The following MALRD1 variants were observed in gnomAD, a reference collection of about 807,000 sequenced individuals.
MALRD1 encodes MAM and LDL receptor class A domain containing 1.
MALRD1 carries 247 observed loss-of-function variants against 242.1 expected under a neutral mutation model. The observed-to-expected ratio is 1.02, with a 90% CI of 0.92 to 1.13. The LOEUF (loss-of-function observed/expected upper bound fraction) is 1.13, where lower values mean the gene tolerates loss of function less well. MALRD1 is among the 50% of genes most tolerant of loss of function. MALRD1 has a pLI of 0.00. For missense variants in MALRD1, 2,989 were observed against 2,533.1 expected (o/e 1.18, Z -3.86); for synonymous variants, 995 against 866.6 (o/e 1.15, Z -2.60).
At chr10:19,083,891 C>A (rs1835575033) in intron 2 of MALRD1, among the ~76,000 whole-genome samples, 1 of 151,948 alleles carries the variant, frequency 6.6e-6, no homozygotes, top group Non-Finnish European at 1.5e-5. Context: ...TCCAGAGTTC[C>A]AGACAAGTTG....
At chr10:19,147,827 G>C (rs1833777637) in intron 11 of MALRD1, among the ~76,000 whole-genome samples, 2 of 152,202 alleles carry the variant, frequency 1.3e-5, no homozygotes, top group Non-Finnish European at 2.9e-5. Context: ...GAAGCCAGAA[G>C]TAAGGAATTA....
At position 19,209,494 on chromosome 10, in the gene MALRD1, C is replaced by G. The variant is rs1466513977; in HGVS notation, c.2805C>G (p.Ala935=). 6.4e-7 allele frequency: 1 copy of G among 1,550,610 alleles called. No homozygotes were observed. The highest frequency in any genetic ancestry group is 2.4e-5 in the East Asian group (1 of 40,924). The change falls in exon 18 of 40, where the codon GCC becomes GCG. Residue 935 remains alanine (A), a synonymous_variant. Coordinates refer to ENST00000454679, the MANE Select transcript of MALRD1 (RefSeq NM_001142308.3). ...SAALLSPILN[A]TDTKGCTFRF... is the part of the protein sequence containing the mutation. ...CCTTACTCAGCCCAATCCTTAATGC[C>G]ACTGATACAAAAGGCTGCACCTTCC...
intron 21 of MALRD1, among the ~76,000 whole-genome samples, chr10:19,283,505 C>G (rs1168136008): frequency 6.6e-6 from 1 of 152,032 alleles, no homozygotes; most frequent in Non-Finnish European, 1.5e-5. Flanking sequence ...TGTCTTTTCT[C>G]CTTCCCTTTT....
chr10:19,652,550 C>G (rs1840947354), intron 36 of MALRD1, among the ~76,000 whole-genome samples: 1 of 152,110 alleles, frequency 6.6e-6, no homozygotes, highest in Non-Finnish European at 1.5e-5. Context: ...ATGAAATTCA[C>G]TGTGTGCTGT....
At position 19,387,609 on chromosome 10, in the gene MALRD1, G is replaced by C. The variant is rs968370705; in HGVS notation, c.4523G>C (p.Cys1508Ser). The C allele has an allele frequency of 1.0e-5, 16 of 1,550,338 alleles. No homozygotes were observed. The highest frequency in any genetic ancestry group is 1.4e-5 in the Non-Finnish European group (16 of 1,146,804). ...CAAAGCTGTAACTTCGTAGATAACT[G>C]TGGAGATAATACTGATGAAAATGAG... ...LEQSCNFVDN[C>S]GDNTDENECG... Residue 1508 changes from cysteine to serine, a missense_variant, in exon 27 of 40, where the codon TGT becomes TCT. Coordinates refer to ENST00000454679, the MANE Select transcript of MALRD1 (RefSeq NM_001142308.3).
intron 28 of MALRD1, among the ~76,000 whole-genome samples, chr10:19,421,620 C>T (rs1488161305): frequency 6.6e-6 from 1 of 152,104 alleles, no homozygotes; most frequent in Non-Finnish European, 1.5e-5. Flanking sequence ...CTAAATGCAT[C>T]AATAATTAAT....
chr10:19,563,910 G>A (rs1836131235), intron 32 of MALRD1, among the ~76,000 whole-genome samples: 1 of 152,078 alleles, frequency 6.6e-6, no homozygotes, highest in South Asian at 2.1e-4. Flanking sequence ...ACAAAATCTG[G>A]TTGTTGTAAA....
At chr10:19,101,899 T>C (rs1288602184) in intron 4 of MALRD1, among the ~76,000 whole-genome samples, 1 of 137,606 alleles carries the variant, frequency 7.3e-6, no homozygotes, top group African/African-American at 2.6e-5. Flanking sequence ...TATATATTAA[T>C]ATATAATATA....
intron 21 of MALRD1, 58 bp from the exon 22 acceptor site, chr10:19,323,891 G>T: frequency 1.3e-6 from 2 of 1,500,318 alleles, no homozygotes; most frequent in Non-Finnish European, 1.8e-6. Context: ...GATTACAGGC[G>T]TGAGCCACCG....
intron 26 of MALRD1, among the ~76,000 whole-genome samples, chr10:19,378,826 A>G (rs1305525720): frequency 6.6e-6 from 1 of 152,118 alleles, no homozygotes; most frequent in Non-Finnish European, 1.5e-5. Context: ...ACATCATAAA[A>G]TACACGTGAG....
intron 21 of MALRD1, among the ~76,000 whole-genome samples, chr10:19,292,031 C>T (rs998101921): frequency 1.4e-5 from 2 of 140,558 alleles, no homozygotes; most frequent in African/African-American, 5.4e-5. Flanking sequence ...TGCAGTAAGC[C>T]GAGATGGTGC....
chr10:19,192,987 G>T (rs368046263), intron 14 of MALRD1, among the ~76,000 whole-genome samples: 1 of 152,160 alleles, frequency 6.6e-6, no homozygotes, highest in South Asian at 2.1e-4. Flanking sequence ...TGGCAGTTTG[G>T]CTAGGGTGTG....
At chr10:19,337,490 C>T (rs533481580) in intron 24 of MALRD1, among the ~76,000 whole-genome samples, 1 of 152,104 alleles carries the variant, frequency 6.6e-6, no homozygotes, top group East Asian at 1.9e-4. Flanking sequence ...TTGTATTTTC[C>T]TAATGATGAA....
intron 36 of MALRD1, among the ~76,000 whole-genome samples, chr10:19,644,488 G>T (rs969887584): frequency 2.0e-5 from 3 of 152,254 alleles, no homozygotes; most frequent in Non-Finnish European, 2.9e-5. Context: ...ATGGGGGCCA[G>T]TTTGTGCTTC....
At chr10:19,549,955 C>A (rs3852474) in intron 32 of MALRD1, among the ~76,000 whole-genome samples, 129,603 of 152,166 alleles carry the variant, frequency 0.85, 55,213 homozygotes, top group African/African-American at 0.87. Flanking sequence ...TAATAGAGAG[C>A]AATGCCTCTC....
chr10:19,595,593 A>G, intron 34 of MALRD1, 136 bp downstream of exon 34: 1 of 1,084,948 alleles, frequency 9.2e-7, no homozygotes, highest in South Asian at 1.8e-5. Context: ...TTTCAGTGTT[A>G]TGTTGCAAAA....
intron 32 of MALRD1, among the ~76,000 whole-genome samples, chr10:19,547,920 G>T (rs1392992760): frequency 8.6e-6 from 1 of 116,240 alleles, no homozygotes; most frequent in African/African-American, 3.3e-5. Context: ...CCAACAACTT[G>T]TGCTCGCTTT....
At chr10:19,671,394 G>T (rs1315625888) in intron 36 of MALRD1, among the ~76,000 whole-genome samples, 1 of 152,132 alleles carries the variant, frequency 6.6e-6, no homozygotes. Flanking sequence ...AAGGTGGGTG[G>T]ATCACCTGAG....
intron 28 of MALRD1, among the ~76,000 whole-genome samples, chr10:19,427,667 A>G (rs1307010351): frequency 6.6e-6 from 1 of 152,126 alleles, no homozygotes; most frequent in East Asian, 1.9e-4. Context: ...TATTTGTAAA[A>G]TGGATAAATA....
Sources: allele counts gnomAD v4.1 joint callset (sites outside exome capture counted in the v4.1 genomes callset), GRCh38; gene constraint gnomAD v4.1.1; transcripts MANE v1.5; gene names NCBI Gene and HGNC (gene_info 2026-07-23, HGNC 2026-07-21).